COMMD1: variants seen among roughly 807,000 people sequenced by gnomAD.
COMMD1 encodes the protein copper metabolism domain containing 1.
A neutral mutation model predicts 17.2 loss-of-function variants in COMMD1; 10 were observed. The observed-to-expected ratio is 0.58, with a 90% confidence interval of 0.36 to 0.99. The LOEUF is 0.99. Among genes scored for constraint, COMMD1 ranks in the 50% least tolerant of loss-of-function variants. COMMD1 has a pLI of 0.01. For synonymous variants in COMMD1, 97 were observed against 91.6 expected, an observed-to-expected ratio of 1.06 and a Z score of -0.34; for missense variants, 270 against 231.8, an observed-to-expected ratio of 1.17 and a Z score of -1.07.
chr2:62,091,136 A>G (rs1451267056), intron 2 of COMMD1, among the ~76,000 whole-genome samples: 1 of 152,170 alleles, frequency 6.6e-6, no homozygotes, highest in Non-Finnish European at 1.5e-5. Flanking sequence ...GTTGGGTAAG[A>G]GTACATGTTT....
intron 2 of COMMD1, among the ~76,000 whole-genome samples, chr2:62,011,812 AAG>A (rs996789513): frequency 1.3e-5 from 2 of 152,214 alleles, no homozygotes; most frequent in Non-Finnish European, 2.9e-5. Flanking sequence ...GGCAGTTCTT[AAG>A]AGGTGACATT....
At chr2:61,890,162 A>G (rs1178448453) in intron 1 of COMMD1, among the ~76,000 whole-genome samples, 2 of 152,228 alleles carry the variant, frequency 1.3e-5, no homozygotes, top group Non-Finnish European at 2.9e-5. Flanking sequence ...GTTCAGAAAC[A>G]AATGTTCAAA....
intron 2 of COMMD1, among the ~76,000 whole-genome samples, chr2:62,085,734 C>T (rs1327851132): frequency 6.6e-6 from 1 of 150,590 alleles, no homozygotes; most frequent in Non-Finnish European, 1.5e-5. Flanking sequence ...AATCCCAGCA[C>T]TTTGGGAGGC....
At chr2:61,969,168 A>T (rs1671583389) in intron 1 of COMMD1, 1 of 207,714 alleles carries the variant, frequency 4.8e-6, no homozygotes, top group Non-Finnish European at 1.0e-5. Flanking sequence ...AAACAAGAAA[A>T]TGTTTAAGAG....
chr2:62,034,817 A>T (rs920981303), intron 2 of COMMD1, among the ~76,000 whole-genome samples: 1 of 152,126 alleles, frequency 6.6e-6, no homozygotes. Flanking sequence ...GTCTCATCCT[A>T]TGTTTCTGAA....
intron 2 of COMMD1, among the ~76,000 whole-genome samples, chr2:62,128,342 A>AC (rs1558611237): frequency 1.3e-5 from 2 of 151,792 alleles, no homozygotes; most frequent in Admixed American, 6.6e-5. Context: ...AAAGAAAAAA[A>AC]AAAAACAAAA....
chr2:62,046,996 C>T (rs1277973829), intron 2 of COMMD1, among the ~76,000 whole-genome samples: 1 of 152,182 alleles, frequency 6.6e-6, no homozygotes, highest in African/African-American at 2.4e-5. Flanking sequence ...AGGAAGAAGA[C>T]ATTAAGAAAC....
intron 1 of COMMD1, among the ~76,000 whole-genome samples, chr2:61,889,835 A>C (rs1406102648): frequency 6.6e-6 from 1 of 152,204 alleles, no homozygotes; most frequent in Non-Finnish European, 1.5e-5. Flanking sequence ...AAACATTATA[A>C]TAAAGATCAT....
At chr2:61,958,888 G>A (rs776096087) in intron 1 of COMMD1, among the ~76,000 whole-genome samples, 4 of 152,052 alleles carry the variant, frequency 2.6e-5, no homozygotes, top group African/African-American at 7.2e-5. Flanking sequence ...ACTTCAGTTC[G>A]TGCTTTTGTA....
chr2:61,931,861 C>T (rs769634592), intron 1 of COMMD1, among the ~76,000 whole-genome samples: 14 of 152,116 alleles, frequency 9.2e-5, no homozygotes, highest in African/African-American at 2.7e-4. Context: ...TGTTAGTTTC[C>T]GTTAGGAAAG....
At chr2:61,897,022 G>C (rs1669564358) in intron 1 of COMMD1, among the ~76,000 whole-genome samples, 1 of 151,852 alleles carries the variant, frequency 6.6e-6, no homozygotes, top group South Asian at 2.1e-4. Context: ...TAGAGATGGG[G>C]TTTCACCATA....
chr2:61,915,843 T>C, intron 1 of COMMD1: 2 of 301,312 alleles, frequency 6.6e-6, no homozygotes, highest in Non-Finnish European at 1.3e-5. Context: ...TTTTTTTGAT[T>C]ATTAAAAATA....
At chr2:62,010,341 C>A (rs1192688505) in intron 2 of COMMD1, among the ~76,000 whole-genome samples, 1 of 151,990 alleles carries the variant, frequency 6.6e-6, no homozygotes, top group South Asian at 2.1e-4. Context: ...TCCTTCTAAT[C>A]CTCACAACAT....
intron 2 of COMMD1, among the ~76,000 whole-genome samples, chr2:62,038,539 CATTTATTT>C (rs200206799): frequency 1.3e-5 from 2 of 150,702 alleles, no homozygotes; most frequent in South Asian, 2.1e-4. Context: ...TATTTTTTAT[CATTTATTT>C]ATTTATTTAT....
rs141947196 is a variant in COMMD1, at chr2:62,063,321, C to T, written c.462+62339C>T. ...CCTGAGGTGGGAGGATCACTTGAGT[C>T]CAGGAAGTTGAGGCATGTGCCACCA... On this transcript the variant is annotated intron_variant, in intron 2 of 2. Coordinates refer to ENST00000311832, the MANE Select transcript of COMMD1 (RefSeq NM_152516.4). 4.6e-3 allele frequency among the ~76,000 whole-genome samples: 705 copies of T among 152,192 alleles called. 2 individuals carry two copies. Among genetic ancestry groups the T allele is most frequent in the Non-Finnish European group, 7.4e-3 (504 of 67,992 alleles).
chr2:61,955,886 C>T (rs1282243457), intron 1 of COMMD1, among the ~76,000 whole-genome samples: 3 of 152,104 alleles, frequency 2.0e-5, no homozygotes, highest in Non-Finnish European at 4.4e-5. Context: ...GGGGTTTCAC[C>T]GTGTTAGCCA....
intron 1 of COMMD1, among the ~76,000 whole-genome samples, chr2:61,889,491 G>T (rs1451088761): frequency 1.3e-5 from 2 of 152,140 alleles, no homozygotes; most frequent in African/African-American, 4.8e-5. Context: ...GATTACAGGC[G>T]TGAGCCACCG....
chr2:62,087,349 C>T (rs1387768683), intron 2 of COMMD1, among the ~76,000 whole-genome samples: 1 of 152,160 alleles, frequency 6.6e-6, no homozygotes, highest in Non-Finnish European at 1.5e-5. Flanking sequence ...GGGTAGATAA[C>T]AAATCCTCAT....
intron 2 of COMMD1, among the ~76,000 whole-genome samples, chr2:62,010,444 A>C (rs1454066289): frequency 2.6e-5 from 4 of 152,038 alleles, no homozygotes; most frequent in African/African-American, 9.7e-5. Context: ...AATTCCTTGC[A>C]TTTAAATACC....
Sources: allele counts gnomAD v4.1 joint callset (sites outside exome capture counted in the v4.1 genomes callset), GRCh38; gene constraint gnomAD v4.1.1; transcripts MANE v1.5; gene names NCBI Gene and HGNC (gene_info 2026-07-23, HGNC 2026-07-21).